KCNK15: variants seen among roughly 807,000 people sequenced by gnomAD.
KCNK15 encodes potassium channel subfamily K member 15.
In KCNK15, 9 loss-of-function variants were observed where a neutral mutation model predicts 8.5. The ratio of observed to expected loss-of-function variants is 1.06; its 90% CI spans 0.64 to 1.85. The LOEUF is 1.85. Ranked by LOEUF, KCNK15 falls within the 40% of genes most tolerant of loss-of-function variation. KCNK15 has a pLI of 0.00. For synonymous variants in KCNK15, 224 were observed against 232.7 expected (o/e 0.96, Z 0.34); for missense variants, 467 against 476.8 (o/e 0.98, Z 0.19).
chr20:44,746,281 C>G, intron 1 of KCNK15, 88 bp downstream of exon 1: 1 of 1,197,582 alleles, frequency 8.4e-7, no homozygotes. Context: ...TCTGCCCCCG[C>G]CCAGCTGAGC....
rs376945626 is a variant in KCNK15 at position 44,750,643 on chromosome 20, G to A, written c.798G>A (p.Pro266=). 28 of 1,517,278 alleles carry A rather than the reference G, an allele frequency of 1.8e-5. No individual in the cohort carries two copies. The highest frequency in any genetic ancestry group is 5.8e-5 in the Admixed American group (3 of 51,474). The allele number at this position is 1,517,278 out of a possible 1,614,324, so 94.0% of individuals were successfully genotyped here. ...RAARTPSPRP[P]GAPESRGLWL... is the part of the protein sequence containing the mutation. ...CCCGCACCCCCAGCCCGCGCCCCCCGGGGGCGCCCGAGAGCCGTGGCCTCT... is the reference window on the plus strand; with the variant it reads ...CCCGCACCCCCAGCCCGCGCCCCCCAGGGGCGCCCGAGAGCCGTGGCCTCT... The change falls in exon 2 of 2, where the codon CCG becomes CCA. Residue 266 remains proline (P), a synonymous_variant. Transcript: ENST00000372861.
At chr20:44,748,194 C>G (rs1292240879) in intron 1 of KCNK15, among the ~76,000 whole-genome samples, 1 of 152,128 alleles carries the variant, frequency 6.6e-6, no homozygotes, top group Non-Finnish European at 1.5e-5. Flanking sequence ...CTGTTTCTCA[C>G]CAGCACCCCC....
At position 44,751,316 on chromosome 20, in the gene KCNK15, T is replaced by C. The variant is rs1243541008; in HGVS notation, c.*478T>C. 1.3e-5 allele frequency: 2 copies of C among 152,620 alleles called. No individual in the cohort carries two copies. Among genetic ancestry groups the C allele is most frequent in the African/African-American group, 4.8e-5 (2 of 41,470 alleles). The allele number at this position is 152,620 out of a possible 1,614,324, so 9.5% of individuals were successfully genotyped here. ...AAATGGGACCGTGTACAGTCCAGTGTTGACAAGGGGGTCAATCTCTTGCGC... is the reference window on the plus strand; with the variant it reads ...AAATGGGACCGTGTACAGTCCAGTGCTGACAAGGGGGTCAATCTCTTGCGC... On this transcript the variant is annotated 3_prime_UTR_variant, in exon 2 of 2. Transcript: ENST00000372861.
chr20:44,746,286 C>CT (rs1253993723), intron 1 of KCNK15, 93 bp downstream of exon 1: 6 of 1,188,632 alleles, frequency 5.0e-6, no homozygotes, highest in Non-Finnish European at 6.6e-6. Flanking sequence ...CCCCGCCCAG[C>CT]TGAGCTACTT....
chr20:44,746,596 A>C (rs778733930), intron 1 of KCNK15: 2 of 173,800 alleles, frequency 1.2e-5, no homozygotes, highest in African/African-American at 2.4e-5. Flanking sequence ...TCTGAGCCAG[A>C]GTTTTCTCTT....
rs750936773 is a variant in KCNK15, at chr20:44,746,107, C to A, written c.197C>A (p.Ala66Glu). Reference sequence around the variant, plus strand: ...GACTACCGCGAGCTGGAGCGCCTGGCGCTCCAGGCTGAGCCCCACCGCGCC... The same window carrying A: ...GACTACCGCGAGCTGGAGCGCCTGGAGCTCCAGGCTGAGCCCCACCGCGCC... Reference protein sequence around the residue: ...AEDYRELERLALQAEPHRAGR... With the variant: ...AEDYRELERLELQAEPHRAGR... The change falls in exon 1 of 2, where the codon GCG (alanine) becomes GAG (glutamate). Residue 66 changes from alanine (A) to glutamate (E), a missense_variant. Around this residue, in one of 2 missense-constraint regions of KCNK15, gnomAD observed 455 missense variants for 441.2 expected, o/e 1.03. Transcript: ENST00000372861. The A allele has an allele frequency of 2.7e-6, 4 of 1,498,856 alleles. No homozygotes were observed. The highest frequency in any genetic ancestry group is 3.6e-6 in the Non-Finnish European group (4 of 1,120,182). 92.8% of individuals were successfully genotyped at this position (1,498,856 alleles called of 1,614,324 possible).
intron 1 of KCNK15, chr20:44,746,645 T>A (rs1313561430): frequency 1.3e-5 from 2 of 157,584 alleles, no homozygotes; most frequent in Non-Finnish European, 1.4e-5. Context: ...ATCTCAGGGC[T>A]GTGGTGAGAG....
At chr20:44,749,293 T>C (rs2066019130) in intron 1 of KCNK15, among the ~76,000 whole-genome samples, 1 of 152,052 alleles carries the variant, frequency 6.6e-6, no homozygotes, top group African/African-American at 2.4e-5. Flanking sequence ...AGACACACAA[T>C]GAGATACCCA....
At position 44,750,766 on chromosome 20, in the gene KCNK15, GC is replaced by G; in HGVS notation, c.927del (p.Ser310ArgfsTer55). On this transcript the variant is annotated frameshift_variant, in exon 2 of 2. Transcript: ENST00000372861. LOFTEE classifies it low-confidence loss of function (END_TRUNC). The part of the protein sequence containing the change: ...RCARDNLGFS[P>X]PSSPGVVRGG... ...GCGCCCGCGACAACCTGGGCTTTTC[GC>G]CCCCCTCGAGCCCGGGGGTCGTGCG... 2.0e-6 allele frequency: 3 copies of G among 1,515,446 alleles called. No individual in the cohort carries two copies. The highest frequency in any genetic ancestry group is 1.8e-6 in the Non-Finnish European group (2 of 1,137,594). The allele number at this position is 1,515,446 out of a possible 1,614,324, so 93.9% of individuals were successfully genotyped here.
chr20:44,750,406 C>G lies in KCNK15; in HGVS notation c.561C>G (p.Phe187Leu). ...CGCACTTCGAGGGCTGGACCTTCTT[C>G]CACGCCTACTACTACTGCTTCATCA... ...AFSHFEGWTFFHAYYYCFITL... is the reference protein window; with the variant it reads ...AFSHFEGWTFLHAYYYCFITL... The change falls in exon 2 of 2, where the codon TTC becomes TTG. Residue 187 changes from phenylalanine (F) to leucine (L), a missense_variant. Physicochemically the swap from Phe to Leu is conservative, Grantham distance 22. Transcript: ENST00000372861. 6.2e-7 allele frequency: 1 copy of G among 1,614,016 alleles called. No individual in the cohort carries two copies. Among genetic ancestry groups the G allele is most frequent in the Middle Eastern group, 1.6e-4 (1 of 6,062 alleles).
rs1358103057 is a variant in KCNK15 at position 44,750,540 on chromosome 20, TC to T, written c.696del (p.Thr233ArgfsTer132). The T allele has an allele frequency of 1.9e-6, 3 of 1,610,416 alleles. No homozygotes were observed. Reference protein sequence around the residue: ...AFSFLYILLGLTVIGAFLNLV... With the variant: ...AFSFLYILLGXTVIGAFLNLV... ...AGCTTCCTCTACATCCTCCTGGGGC[TC>T]ACGGTCATTGGCGCCTTCCTCAACC... On this transcript the variant is annotated frameshift_variant, in exon 2 of 2. Transcript: ENST00000372861. LOFTEE classifies it low-confidence loss of function (END_TRUNC).
Position 44,750,839 on chromosome 20 carries a change from C to A in KCNK15, c.*1C>A. ...TGGGGCCCGGTGGAAGTCCATCTGA[C>A]AACCCCACCCAGGCCAGGGTCGAAT... is the stretch of plus-strand genomic sequence containing the variant. On this transcript the variant is annotated 3_prime_UTR_variant, in exon 2 of 2. Transcript: ENST00000372861. 1 of 1,435,928 alleles carries A rather than the reference C, an allele frequency of 7.0e-7. No homozygotes were observed. The highest frequency in any genetic ancestry group is 1.4e-5 in the South Asian group (1 of 70,490). 88.9% of individuals were successfully genotyped at this position (1,435,928 alleles called of 1,614,324 possible).
At position 44,745,943 on chromosome 20, in the gene KCNK15, G is replaced by T; in HGVS notation, c.33G>T (p.Leu11=). The T allele has an allele frequency of 7.2e-7, 1 of 1,391,100 alleles. No individual in the cohort carries two copies. The highest frequency in any genetic ancestry group is 1.7e-5 in the South Asian group (1 of 57,610). 86.2% of individuals were successfully genotyped at this position (1,391,100 alleles called of 1,614,324 possible). A position where few individuals can be genotyped will look rare whatever the true frequency, so the allele number is the denominator to read the frequency against. The change falls in exon 1 of 2, where the codon CTG becomes CTT. Residue 11 remains leucine, a synonymous_variant. Transcript: ENST00000372861. The part of the protein sequence containing the change: MRRPSVRAAG[L]VLCTLCYLLV... ...GGCCGAGCGTGCGCGCGGCCGGGCTGGTCCTGTGCACCCTGTGTTACCTGC... is the reference window on the plus strand; with the variant it reads ...GGCCGAGCGTGCGCGCGGCCGGGCTTGTCCTGTGCACCCTGTGTTACCTGC...
Position 44,746,092 on chromosome 20 carries a change from A to C in KCNK15, c.182A>C (p.Glu61Ala). The C allele has an allele frequency of 1.3e-6, 2 of 1,526,906 alleles. No homozygotes were observed. Among genetic ancestry groups the C allele is most frequent in the Non-Finnish European group, 1.8e-6 (2 of 1,133,680 alleles). The allele number at this position is 1,526,906 out of a possible 1,614,324, so 94.6% of individuals were successfully genotyped here. Residue 61 changes from glutamate to alanine, a missense_variant, in exon 1 of 2, where the codon GAG becomes GCG. Physicochemically the swap from Glu to Ala is moderately radical, Grantham distance 107. Transcript: ENST00000372861. The stretch of plus-strand genomic sequence containing the variant: ...GGCTTCTCGGCCGAGGACTACCGCG[A>C]GCTGGAGCGCCTGGCGCTCCAGGCT... ...KFGFSAEDYR[E>A]LERLALQAEP...
chr20:44,749,040 G>A (rs2066018199), intron 1 of KCNK15, among the ~76,000 whole-genome samples: 1 of 152,058 alleles, frequency 6.6e-6, no homozygotes, highest in Non-Finnish European at 1.5e-5. Flanking sequence ...TCTCATTTTC[G>A]CTATGACCGA....
At position 44,746,074 on chromosome 20, in the gene KCNK15, C is replaced by T. The variant is rs762398235; in HGVS notation, c.164C>T (p.Ser55Leu). The T allele has an allele frequency of 3.9e-6, 6 of 1,550,278 alleles. No homozygotes were observed. Among genetic ancestry groups the T allele is most frequent in the South Asian group, 1.2e-5 (1 of 85,248 alleles). ...GCTCTCCGGAGGAAGTTCGGCTTCT[C>T]GGCCGAGGACTACCGCGAGCTGGAG... ...RGALRRKFGF[S>L]AEDYRELERL... is the part of the protein sequence containing the mutation. Residue 55 changes from serine (S) to leucine (L), a missense_variant, in exon 1 of 2, where the codon TCG (serine) becomes TTG (leucine). Transcript: ENST00000372861.
chr20:44,746,348 C>A (rs932352241), intron 1 of KCNK15, among the ~76,000 whole-genome samples, 155 bp downstream of exon 1: 1 of 152,338 alleles, frequency 6.6e-6, no homozygotes, highest in Non-Finnish European at 1.5e-5. Flanking sequence ...TCGCCTCCCT[C>A]GTCTCCCTGG....
intron 1 of KCNK15, chr20:44,746,533 T>G: frequency 4.5e-6 from 1 of 222,532 alleles, no homozygotes; most frequent in Non-Finnish European, 8.8e-6. Flanking sequence ...TTGCTTTTCC[T>G]TGCCTGGTTG....
At position 44,745,991 on chromosome 20, in the gene KCNK15, C is replaced by T. The variant is rs754841644; in HGVS notation, c.81C>T (p.Asp27=). The T allele has an allele frequency of 2.0e-6, 3 of 1,521,298 alleles. No homozygotes were observed. In the Admixed American group the frequency reaches 6.3e-5, roughly 32 times the overall value. The allele number at this position is 1,521,298 out of a possible 1,614,324, so 94.2% of individuals were successfully genotyped here. The change falls in exon 1 of 2, where the codon GAC becomes GAT. Residue 27 remains aspartate, a synonymous_variant. Transcript: ENST00000372861. The part of the protein sequence containing the change: ...CYLLVGAAVF[D]ALESEAESGR... ...TGCTGGTGGGCGCTGCTGTCTTCGA[C>T]GCGCTCGAGTCCGAGGCGGAAAGCG...
Sources: allele counts gnomAD v4.1 joint callset (sites outside exome capture counted in the v4.1 genomes callset), GRCh38; gene constraint gnomAD v4.1.1; regional missense constraint gnomAD v4.1.1; transcripts MANE v1.5; gene names NCBI Gene and HGNC (gene_info 2026-07-23, HGNC 2026-07-21).